Variants in CTIF observed in about 807,000 individuals in gnomAD.
CTIF encodes the protein CBP80/20-dependent translation initiation factor.
In CTIF, 21 loss-of-function variants were observed where a neutral mutation model predicts 66.0. The ratio of observed to expected loss-of-function variants is 0.32; its 90% CI spans 0.23 to 0.46. The LOEUF is 0.46. Among genes scored for constraint, CTIF ranks in the 20% least tolerant of loss-of-function variants. The pLI is 1.00. For synonymous variants in CTIF, 345 were observed against 326.4 expected (o/e 1.06, Z -0.62); for missense variants, 739 against 812.7 (o/e 0.91, Z 1.10).
At chr18:48,673,394 G>C (rs1226074358) in intron 6 of CTIF, among the ~76,000 whole-genome samples, 1 of 151,824 alleles carries the variant, frequency 6.6e-6, no homozygotes, top group Non-Finnish European at 1.5e-5. Flanking sequence ...CATGAACCTG[G>C]TTATGCTCTT....
intron 10 of CTIF, among the ~76,000 whole-genome samples, chr18:48,854,386 C>T (rs971432715): frequency 6.6e-6 from 1 of 152,110 alleles, no homozygotes; most frequent in Non-Finnish European, 1.5e-5. Context: ...GGCCCTTTAA[C>T]CTGCATGGGA....
chr18:48,753,963 C>T (rs1217591438), intron 7 of CTIF, among the ~76,000 whole-genome samples: 2 of 152,154 alleles, frequency 1.3e-5, no homozygotes, highest in Non-Finnish European at 2.9e-5. Context: ...CCAGCAAATA[C>T]AGAAGAGAGA....
rs138715477 is a variant in CTIF, at chr18:48,684,221, G to T, written c.507+13477G>T. Among the ~76,000 whole-genome samples, 499 of 152,276 alleles carry T rather than the reference G, an allele frequency of 3.3e-3. 5 individuals carry two copies. Among genetic ancestry groups the T allele is most frequent in the Admixed American group, 6.3e-3 (97 of 15,292 alleles). ...GGCGACCTCATGCCTTCATGGGGAGGTGGGCCCCAAACACTTGAACCATCT... is the reference window on the plus strand; with the variant it reads ...GGCGACCTCATGCCTTCATGGGGAGTTGGGCCCCAAACACTTGAACCATCT... On this transcript the variant is annotated intron_variant, in intron 6 of 11. Transcript: ENST00000256413.
intron 10 of CTIF, among the ~76,000 whole-genome samples, chr18:48,820,492 C>T (rs546940488): frequency 6.6e-6 from 1 of 152,156 alleles, no homozygotes; most frequent in South Asian, 2.1e-4. Context: ...ATCCCCCCAA[C>T]TCCCAGAACC....
chr18:48,594,494 C>A (rs2089954365), intron 1 of CTIF, among the ~76,000 whole-genome samples: 1 of 152,108 alleles, frequency 6.6e-6, no homozygotes, highest in African/African-American at 2.4e-5. Flanking sequence ...GGGGCTGAGG[C>A]CTGAGCTGTT....
In CTIF at chr18:48,645,933, G is replaced by A. The variant is rs114904364; in HGVS notation, c.252+9248G>A. Among the ~76,000 whole-genome samples, 1,029 of 152,304 alleles carry A rather than the reference G, an allele frequency of 6.8e-3. 8 individuals are homozygous for A. Among genetic ancestry groups the A allele is most frequent in the African/African-American group, 0.024 (996 of 41,568 alleles). ...CTGCCAGAGTGGTACCATGAAACAC[G>A]AGTTAAAGCAGGAGGTTTAAATATG... is the stretch of plus-strand genomic sequence containing the variant. On this transcript the variant is annotated intron_variant, in intron 3 of 11. Coordinates refer to ENST00000256413, the MANE Select transcript of CTIF (RefSeq NM_014772.3).
chr18:48,712,712 C>T (rs1406541144), intron 7 of CTIF, among the ~76,000 whole-genome samples: 2 of 152,204 alleles, frequency 1.3e-5, no homozygotes, highest in South Asian at 2.1e-4. Flanking sequence ...AGAACCCTAG[C>T]GGCGCCTGTG....
rs563606002 is a variant in CTIF at position 48,620,742 on chromosome 18, G to A, written c.180+997G>A. 1.1e-3 allele frequency among the ~76,000 whole-genome samples: 170 copies of A among 152,332 alleles called. 2 individuals carry two copies. Among genetic ancestry groups the A allele is most frequent in the Non-Finnish European group, 1.8e-3 (120 of 68,034 alleles). ...CGTGTTATCCCATCTCCAAGCCTGG[G>A]ACTCCTGGGACAATCAGAAGGTGAG... On this transcript the variant is annotated intron_variant, in intron 2 of 11. Transcript: ENST00000256413.
In CTIF at chr18:48,549,393, G is replaced by A. The variant is rs369649704; in HGVS notation, c.-29+10081G>A. Among the ~76,000 whole-genome samples, 22 of 152,272 alleles carry A rather than the reference G, an allele frequency of 1.4e-4. No individual in the cohort carries two copies. The South Asian group carries it at 4.6e-3, about 32-fold the overall frequency. On this transcript the variant is annotated intron_variant, in intron 1 of 11. Coordinates refer to ENST00000256413, the MANE Select transcript of CTIF (RefSeq NM_014772.3). ...GCTTGTGGGATGTTATTGGCTACAG[G>A]TAAAAGAACAGTGTACTAACGATGG...
intron 1 of CTIF, among the ~76,000 whole-genome samples, chr18:48,594,227 G>A (rs1346993451): frequency 6.6e-6 from 1 of 152,110 alleles, no homozygotes; most frequent in Non-Finnish European, 1.5e-5. Flanking sequence ...GCGGATGCAC[G>A]GGGTCCCACA....
At chr18:48,611,920 T>A (rs1001222773) in intron 1 of CTIF, among the ~76,000 whole-genome samples, 1 of 152,238 alleles carries the variant, frequency 6.6e-6, no homozygotes, top group Non-Finnish European at 1.5e-5. Context: ...CCCTGTTGGA[T>A]GTTTGAGTGA....
At chr18:48,573,908 G>T (rs1330634313) in intron 1 of CTIF, among the ~76,000 whole-genome samples, 2 of 152,184 alleles carry the variant, frequency 1.3e-5, no homozygotes, top group African/African-American at 2.4e-5. Context: ...TGCTGTCCTG[G>T]GCCCTCTGAC....
intron 1 of CTIF, among the ~76,000 whole-genome samples, chr18:48,616,572 C>G (rs2090404287): frequency 6.6e-6 from 1 of 152,246 alleles, no homozygotes; most frequent in Non-Finnish European, 1.5e-5. Context: ...GTTACTTAAT[C>G]TCTCTGAACC....
At chr18:48,571,275 G>A (rs2089410021) in intron 1 of CTIF, among the ~76,000 whole-genome samples, 1 of 152,090 alleles carries the variant, frequency 6.6e-6, no homozygotes, top group Non-Finnish European at 1.5e-5. Flanking sequence ...TCCTGCCTCA[G>A]CCTCCTGAGT....
chr18:48,802,319 C>G lies in CTIF; in HGVS notation c.1372-14902C>G, dbSNP rs542081980. On this transcript the variant is annotated intron_variant, in intron 9 of 11. Coordinates refer to ENST00000256413, the MANE Select transcript of CTIF (RefSeq NM_014772.3). ...CCTAGGCCTGGCAAACACCTGTCTC[C>G]AAGCCCTCGGCCTCTCTCCTGGGCA... Among the ~76,000 whole-genome samples the G allele has an allele frequency of 3.3e-5, 5 of 152,362 alleles. No homozygotes were observed. In the East Asian group the frequency reaches 7.7e-4, roughly 23 times the overall value.
rs2092063587 is a variant in CTIF, at chr18:48,700,202, T to G, written c.508-11417T>G. ...GATGTGATGGTTTTATAAAGGGGAG[T>G]TCCCCTGTACATGCTCTCTTTCTGC... On this transcript the variant is annotated intron_variant, in intron 6 of 11. Coordinates refer to ENST00000256413, the MANE Select transcript of CTIF (RefSeq NM_014772.3). Among the ~76,000 whole-genome samples, 6 of 152,112 alleles carry G rather than the reference T, an allele frequency of 3.9e-5. No individual in the cohort carries two copies. The South Asian group carries it at 1.2e-3, about 32-fold the overall frequency.
At chr18:48,592,508 AAAAAAG>A (rs1310261006) in intron 1 of CTIF, among the ~76,000 whole-genome samples, 80 of 150,804 alleles carry the variant, frequency 5.3e-4, no homozygotes, top group East Asian at 1.6e-3. Context: ...AAAAAAAAAA[AAAAAAG>A]AAAAAGAAAA....
chr18:48,733,048 C>T (rs552348740), intron 7 of CTIF, among the ~76,000 whole-genome samples: 19 of 152,218 alleles, frequency 1.2e-4, no homozygotes, highest in African/African-American at 4.1e-4. Context: ...TGAGAGGCAT[C>T]GGGGGCCTGG....
At chr18:48,652,193 G>C (rs2144778404) in intron 3 of CTIF, among the ~76,000 whole-genome samples, 1 of 152,278 alleles carries the variant, frequency 6.6e-6, no homozygotes, top group Non-Finnish European at 1.5e-5. Context: ...ATGAATCCAG[G>C]AGCTGGTTTT....
Sources: gnomAD v4.1 joint callset for allele counts (sites outside exome capture counted in the v4.1 genomes callset) on GRCh38, gnomAD v4.1.1 for gene constraint, MANE v1.5 for transcripts, NCBI Gene and HGNC (gene_info 2026-07-23, HGNC 2026-07-21) for gene names.